DMRT1: variants seen among roughly 807,000 people sequenced by gnomAD.
The protein encoded by DMRT1 is doublesex- and mab-3-related transcription factor 1.
Under a neutral mutation model 32.3 loss-of-function variants are expected in DMRT1, and 7 were observed. The ratio of observed to expected loss-of-function variants is 0.22; its 90% CI spans 0.12 to 0.41. The LOEUF (loss-of-function observed/expected upper bound fraction) is 0.41, where lower values mean the gene tolerates loss of function less well. Ranked by LOEUF, DMRT1 falls within the 10% of genes least tolerant of loss-of-function variation. The pLI, the probability that DMRT1 is intolerant of heterozygous loss-of-function variation, is 1.00. For synonymous variants in DMRT1, 278 were observed against 206.1 expected (o/e 1.35, Z -2.99); for missense variants, 625 against 500.5 (o/e 1.25, Z -2.37).
At chr9:926,133 C>T (rs1818516331) in intron 4 of DMRT1, among the ~76,000 whole-genome samples, 1 of 151,168 alleles carries the variant, frequency 6.6e-6, no homozygotes, top group South Asian at 2.1e-4. Context: ...AGTAAAAAAA[C>T]TCAAAAGCAA....
At chr9:951,926 G>C (rs781058309) in intron 4 of DMRT1, among the ~76,000 whole-genome samples, 11 of 152,202 alleles carry the variant, frequency 7.2e-5, no homozygotes, top group Non-Finnish European at 1.6e-4. Context: ...TACAGGAAGG[G>C]AGGGGGGCCA....
At chr9:882,613 T>G (rs181526151) in intron 2 of DMRT1, among the ~76,000 whole-genome samples, 53 of 152,176 alleles carry the variant, frequency 3.5e-4, no homozygotes, top group African/African-American at 1.2e-3. Context: ...GGCTTTTCAG[T>G]AGCCCCAGGG....
chr9:948,248 C>G (rs1044356932), intron 4 of DMRT1, among the ~76,000 whole-genome samples: 6 of 152,136 alleles, frequency 3.9e-5, no homozygotes, highest in Non-Finnish European at 8.8e-5. Context: ...CTCCTCCCCT[C>G]TGTTGAAAGT....
intron 2 of DMRT1, among the ~76,000 whole-genome samples, chr9:859,249 C>T (rs1174218525): frequency 6.6e-6 from 1 of 152,124 alleles, no homozygotes; most frequent in African/African-American, 2.4e-5. Flanking sequence ...TAACCTGTGC[C>T]TCTTGGGTAA....
intron 4 of DMRT1, among the ~76,000 whole-genome samples, chr9:961,287 C>T (rs779330987): frequency 4.8e-4 from 73 of 152,142 alleles, no homozygotes; most frequent in Non-Finnish European, 7.9e-4. Flanking sequence ...ACGCAAGCCT[C>T]GTTGTGACAG....
At chr9:905,118 T>C (rs1817722666) in intron 3 of DMRT1, among the ~76,000 whole-genome samples, 1 of 152,136 alleles carries the variant, frequency 6.6e-6, no homozygotes, top group African/African-American at 2.4e-5. Flanking sequence ...TGGTGATAGA[T>C]TGACTTTAGT....
chr9:955,155 G>A (rs1327606573), intron 4 of DMRT1, among the ~76,000 whole-genome samples: 1 of 152,144 alleles, frequency 6.6e-6, no homozygotes, highest in Non-Finnish European at 1.5e-5. Flanking sequence ...GAGTACTGTG[G>A]CCTGAGGACT....
intron 4 of DMRT1, among the ~76,000 whole-genome samples, chr9:951,009 T>C (rs1819410122): frequency 6.6e-6 from 1 of 152,204 alleles, no homozygotes; most frequent in Non-Finnish European, 1.5e-5. Flanking sequence ...ATTAGTTAGC[T>C]AATGCTAATA....
chr9:938,480 C>A (rs1047237888), intron 4 of DMRT1, among the ~76,000 whole-genome samples: 4 of 151,978 alleles, frequency 2.6e-5, no homozygotes, highest in African/African-American at 9.7e-5. Context: ...TTTATCTGTG[C>A]CTGTCACCTC....
intron 2 of DMRT1, among the ~76,000 whole-genome samples, chr9:860,456 A>G (rs552272809): frequency 1.4e-3 from 205 of 151,522 alleles, no homozygotes; most frequent in African/African-American, 4.9e-3. Flanking sequence ...TTCCTCCCTC[A>G]CTCTTCTTAC....
intron 4 of DMRT1, among the ~76,000 whole-genome samples, chr9:941,335 C>G (rs981423171): frequency 8.4e-6 from 1 of 119,636 alleles, no homozygotes; most frequent in Non-Finnish European, 1.6e-5. Context: ...CCCCTCCCCC[C>G]CCCCACACAT....
At chr9:912,191 A>G (rs1818013975) in intron 3 of DMRT1, among the ~76,000 whole-genome samples, 1 of 152,190 alleles carries the variant, frequency 6.6e-6, no homozygotes, top group African/African-American at 2.4e-5. Flanking sequence ...TCAGATCTCA[A>G]GAGAACTCCC....
At chr9:871,122 C>T (rs943758484) in intron 2 of DMRT1, among the ~76,000 whole-genome samples, 14 of 151,970 alleles carry the variant, frequency 9.2e-5, no homozygotes, top group Admixed American at 2.0e-4. Context: ...TTGCAACCTT[C>T]GCCTTCTGGG....
chr9:860,749 G>A (rs1815622325), intron 2 of DMRT1, among the ~76,000 whole-genome samples: 1 of 152,200 alleles, frequency 6.6e-6, no homozygotes, highest in African/African-American at 2.4e-5. Context: ...AAAGAAGGGA[G>A]GCCTCTCTAA....
At chr9:908,865 A>C (rs1817874285) in intron 3 of DMRT1, among the ~76,000 whole-genome samples, 1 of 151,972 alleles carries the variant, frequency 6.6e-6, no homozygotes, top group Non-Finnish European at 1.5e-5. Flanking sequence ...ATTTGGAGGG[A>C]GAGCTTTCGT....
intron 4 of DMRT1, among the ~76,000 whole-genome samples, chr9:932,977 A>G (rs953019709): frequency 1.3e-5 from 2 of 151,368 alleles, no homozygotes; most frequent in Middle Eastern, 3.4e-3. Context: ...CAATGGCGTG[A>G]TCTTGGCCCA....
intron 2 of DMRT1, among the ~76,000 whole-genome samples, chr9:875,486 G>C (rs1039799013): frequency 1.3e-5 from 2 of 152,180 alleles, no homozygotes; most frequent in Non-Finnish European, 2.9e-5. Context: ...GAGGTATCAA[G>C]ACCTTGTGAG....
intron 3 of DMRT1, among the ~76,000 whole-genome samples, chr9:897,260 G>A (rs1817407656): frequency 6.6e-6 from 1 of 151,746 alleles, no homozygotes; most frequent in African/African-American, 2.4e-5. Context: ...CTACAGGCAC[G>A]TGCCATCACG....
At chr9:883,841 G>C (rs1327731466) in intron 2 of DMRT1, among the ~76,000 whole-genome samples, 1 of 151,516 alleles carries the variant, frequency 6.6e-6, no homozygotes, top group African/African-American at 2.4e-5. Flanking sequence ...CTATACCCTC[G>C]TAGCGCTCAA....
Sources: gnomAD v4.1 joint callset for allele counts (sites outside exome capture counted in the v4.1 genomes callset) on GRCh38, gnomAD v4.1.1 for gene constraint, MANE v1.5 for transcripts, NCBI Gene and HGNC (gene_info 2026-07-23, HGNC 2026-07-21) for gene names.